FASTKD1: variants seen among roughly 807,000 people sequenced by gnomAD.
FASTKD1 encodes the protein FAST kinase domains 1, also known as FAST kinase domain-containing protein 1, mitochondrial.
In FASTKD1, 94 loss-of-function variants were observed where a neutral mutation model predicts 90.9. The observed-to-expected ratio is 1.03, with a 90% confidence interval of 0.88 to 1.23. The LOEUF (loss-of-function observed/expected upper bound fraction) is 1.23, where lower values mean the gene tolerates loss of function less well. Ranked by LOEUF, FASTKD1 falls within the 50% of genes most tolerant of loss-of-function variation. The pLI is 0.00. For synonymous variants in FASTKD1, 319 were observed against 345.8 expected (o/e 0.92, Z 0.86); for missense variants, 945 against 993.5 (o/e 0.95, Z 0.66).
chr2:169,559,643 C>T (rs1234157108), intron 5 of FASTKD1, among the ~76,000 whole-genome samples: 1 of 152,084 alleles, frequency 6.6e-6, no homozygotes, highest in East Asian at 1.9e-4. Context: ...GTCTCAAATT[C>T]CTGGGATCCA....
intron 3 of FASTKD1, among the ~76,000 whole-genome samples, chr2:169,564,807 G>A: frequency 6.6e-6 from 1 of 151,946 alleles, no homozygotes; most frequent in Non-Finnish European, 1.5e-5. Flanking sequence ...CCACAAATGA[G>A]TGAAAGCATG....
rs759042535 is a variant in FASTKD1, at chr2:169,560,595, C to T, written c.763G>A (p.Val255Ile). 14 of 1,607,688 alleles carry T rather than the reference C, an allele frequency of 8.7e-6. No individual in the cohort carries two copies. Among genetic ancestry groups the T allele is most frequent in the East Asian group, 2.2e-5 (1 of 44,708 alleles). The stretch of plus-strand genomic sequence containing the variant: ...AGGTGGTCCACATTACTTAAAAATA[C>T]GTTATTACATCTTTCTAATAGTGGT... ...YQPLLERCNN[V>I]FLSNVDHLDL... Residue 255 changes from valine (V) to isoleucine (I), a missense_variant, in exon 5 of 15, where the codon GTA (valine) becomes ATA (isoleucine). By Grantham distance (29) the Val-to-Ile change is conservative (BLOSUM62 3). Transcript: ENST00000453153.
At chr2:169,548,681 G>A (rs1482227922) in intron 7 of FASTKD1, among the ~76,000 whole-genome samples, 9 of 130,868 alleles carry the variant, frequency 6.9e-5, no homozygotes, top group African/African-American at 2.1e-4. Context: ...GCAGTGAGCC[G>A]AGATCACGCC....
intron 7 of FASTKD1, among the ~76,000 whole-genome samples, chr2:169,549,757 A>G (rs117649321): frequency 0.027 from 4,173 of 152,248 alleles, 83 homozygotes; most frequent in East Asian, 0.1. Flanking sequence ...ATGAGCCACT[A>G]TGCCTGGCCA....
At chr2:169,543,499 G>A (rs74263903) in intron 9 of FASTKD1, among the ~76,000 whole-genome samples, 7,157 of 152,076 alleles carry the variant, frequency 0.047, 200 homozygotes, top group East Asian at 0.12. Context: ...TTGGTGACTC[G>A]GGAAAATTTG....
chr2:169,531,517 A>T (rs1273193020), intron 12 of FASTKD1, 27 bp from the exon 13 acceptor site: 1 of 1,570,464 alleles, frequency 6.4e-7, no homozygotes, highest in African/African-American at 1.4e-5. Flanking sequence ...AACTGGTAGT[A>T]TGAATTAGGT....
chr2:169,551,614 T>C (rs1685492786), intron 7 of FASTKD1, among the ~76,000 whole-genome samples: 1 of 151,980 alleles, frequency 6.6e-6, no homozygotes, highest in Non-Finnish European at 1.5e-5. Context: ...CTGGGCAACA[T>C]GGCAAAACCC....
intron 13 of FASTKD1, chr2:169,531,036 C>T (rs1386820077): frequency 3.0e-6 from 2 of 667,712 alleles, no homozygotes; most frequent in Admixed American, 1.8e-5. Flanking sequence ...TAGTAAGTTA[C>T]TGTAATGCAG....
chr2:169,539,950 GAA>G, intron 10 of FASTKD1, 99 bp downstream of exon 10: 2 of 643,592 alleles, frequency 3.1e-6, no homozygotes, highest in Non-Finnish European at 4.8e-6. Flanking sequence ...ATTAGAAACA[GAA>G]AAAAGTTATT....
chr2:169,540,347 T>C (rs1684913105), intron 9 of FASTKD1, among the ~76,000 whole-genome samples, 168 bp from the exon 10 acceptor site: 1 of 152,160 alleles, frequency 6.6e-6, no homozygotes, highest in African/African-American at 2.4e-5. Context: ...CCTTTGGGTG[T>C]GAGCCAAGTA....
intron 9 of FASTKD1, among the ~76,000 whole-genome samples, chr2:169,544,341 G>A (rs192084653): frequency 2.7e-4 from 41 of 152,214 alleles, no homozygotes; most frequent in African/African-American, 9.1e-4. Flanking sequence ...AAGCCTTGGC[G>A]GGTGGATCAC....
chr2:169,553,271 C>CAAAAAAAAAAA (rs374454211), intron 7 of FASTKD1, among the ~76,000 whole-genome samples: 22 of 79,208 alleles, frequency 2.8e-4, no homozygotes, highest in Admixed American at 5.4e-4. Context: ...TAAAAGCATG[C>CAAAAAAAAAAA]AAAAAAAAAA....
chr2:169,560,229 A>G (rs376042824), intron 5 of FASTKD1, 158 bp downstream of exon 5: 2 of 454,908 alleles, frequency 4.4e-6, no homozygotes, highest in African/African-American at 4.0e-5. Context: ...AATTAGAATA[A>G]TCAGAAAAAG....
At chr2:169,557,652 T>C (rs1302871687) in intron 5 of FASTKD1, among the ~76,000 whole-genome samples, 1 of 152,348 alleles carries the variant, frequency 6.6e-6, no homozygotes, top group Admixed American at 6.5e-5. Flanking sequence ...AAATGAACAG[T>C]TGATATTCTG....
rs1267291588 is a variant in FASTKD1 at position 169,539,228 on chromosome 2, A to C, written c.1945+823T>G. 2.0e-5 allele frequency among the ~76,000 whole-genome samples: 3 copies of C among 151,456 alleles called. No homozygotes were observed. In the East Asian group the frequency reaches 5.8e-4, roughly 29 times the overall value. ...TGGAGGTTGCAGTGAGCTAAGATTG[A>C]GCCACTGCACTCCAGCCTGGGAAAC... On this transcript the variant is annotated intron_variant, in intron 10 of 14. Transcript: ENST00000453153.
intron 7 of FASTKD1, among the ~76,000 whole-genome samples, chr2:169,550,318 G>T (rs1216665559): frequency 6.6e-6 from 1 of 152,116 alleles, no homozygotes; most frequent in East Asian, 1.9e-4. Context: ...AGTTCTTAAT[G>T]ATGTACAAGG....
rs1030404973 is a variant in FASTKD1 at position 169,528,567 on chromosome 2, C to T, written c.*1258G>A. Among the ~76,000 whole-genome samples, 2 of 152,008 alleles carry T rather than the reference C, an allele frequency of 1.3e-5. No individual in the cohort carries two copies. Among genetic ancestry groups the T allele is most frequent in the African/African-American group, 4.8e-5 (2 of 41,386 alleles). ...GTAAGACAGGGAGAAGCCATTATTC[C>T]CTCAATGTGTAGGATTACACCAGGT... On this transcript the variant is annotated 3_prime_UTR_variant, in exon 15 of 15. Coordinates refer to ENST00000453153, the MANE Select transcript of FASTKD1 (RefSeq NM_024622.6).
At chr2:169,555,098 A>C in intron 7 of FASTKD1, 26 bp downstream of exon 7, 1 of 1,595,080 alleles carries the variant, frequency 6.3e-7, no homozygotes, top group Non-Finnish European at 8.5e-7. Context: ...ATGAAACACT[A>C]AACAAAATTT....
chr2:169,563,858 C>T (rs528012422), intron 3 of FASTKD1, among the ~76,000 whole-genome samples: 1 of 152,280 alleles, frequency 6.6e-6, no homozygotes, highest in South Asian at 2.1e-4. Flanking sequence ...ATAAACTGCA[C>T]ATACTCATAC....
Sources: allele counts gnomAD v4.1 joint callset (sites outside exome capture counted in the v4.1 genomes callset), GRCh38; gene constraint gnomAD v4.1.1; transcripts MANE v1.5; gene names NCBI Gene and HGNC (gene_info 2026-07-23, HGNC 2026-07-21).